NALCN: variants seen among roughly 807,000 people sequenced by gnomAD.
NALCN encodes sodium leak channel NALCN.
A neutral mutation model predicts 225.3 loss-of-function variants in NALCN; 111 were observed. That is an observed-to-expected ratio of 0.49 (90% CI 0.42 to 0.58). The LOEUF (loss-of-function observed/expected upper bound fraction) is 0.58. Ranked by LOEUF, NALCN falls within the 20% of genes least tolerant of loss-of-function variation. The pLI is 0.00. For missense variants in NALCN, 1,378 were observed against 2,202.4 expected (o/e 0.63, Z 7.49); for synonymous variants, 764 against 769.0 (o/e 0.99, Z 0.11).
chr13:101,070,059 G>A (rs1354410883), intron 37 of NALCN, among the ~76,000 whole-genome samples: 1 of 56,518 alleles, frequency 1.8e-5, no homozygotes, highest in Non-Finnish European at 3.5e-5. Context: ...CATGAATCAT[G>A]AATGTTTTTT....
At chr13:101,212,668 G>A (rs2040570015) in intron 13 of NALCN, among the ~76,000 whole-genome samples, 1 of 152,102 alleles carries the variant, frequency 6.6e-6, no homozygotes, top group East Asian at 1.9e-4. Flanking sequence ...GCAGACTGAG[G>A]GAGGGTAAAG....
chr13:101,397,165 G>A (rs1216101441), intron 2 of NALCN, among the ~76,000 whole-genome samples: 1 of 137,566 alleles, frequency 7.3e-6, no homozygotes, highest in Non-Finnish European at 1.6e-5. Context: ...TTATATGTAT[G>A]TATATATTAT....
In NALCN at chr13:101,123,982, T is replaced by G. The variant is rs549041478; in HGVS notation, c.2192+626A>C. 1.6e-4 allele frequency among the ~76,000 whole-genome samples: 25 copies of G among 152,342 alleles called. No homozygotes were observed. The South Asian group carries it at 4.8e-3, about 29-fold the overall frequency. On this transcript the variant is annotated intron_variant, in intron 18 of 43. Coordinates refer to ENST00000251127, the MANE Select transcript of NALCN (RefSeq NM_052867.4). Reference sequence around the variant, plus strand: ...AATCTTGAGTTGTGTCATCTACATATGTCTATGTAATATATGTACCAATAA... The same window carrying G: ...AATCTTGAGTTGTGTCATCTACATAGGTCTATGTAATATATGTACCAATAA...
At position 101,075,856 on chromosome 13, in the gene NALCN, C is replaced by T; in HGVS notation, c.3954+17G>A. 3.1e-6 allele frequency: 5 copies of T among 1,595,288 alleles called. No individual in the cohort carries two copies. The highest frequency in any genetic ancestry group is 4.3e-6 in the Non-Finnish European group (5 of 1,170,978). On this transcript the variant is annotated intron_variant, in intron 35 of 43. Coordinates refer to ENST00000251127, the MANE Select transcript of NALCN (RefSeq NM_052867.4). ...CATATATGACCTTTAAGATAAGATT[C>T]TTAACAATGTACTTACATGTTTTCC...
At chr13:101,147,096 G>A (rs148848081) in intron 15 of NALCN, among the ~76,000 whole-genome samples, 1 of 152,232 alleles carries the variant, frequency 6.6e-6, no homozygotes, top group African/African-American at 2.4e-5. Context: ...AGGGCAAATG[G>A]TATATTAATT....
chr13:101,254,277 G>T (rs2042148702), intron 11 of NALCN, among the ~76,000 whole-genome samples: 1 of 142,872 alleles, frequency 7.0e-6, no homozygotes, highest in South Asian at 2.2e-4. Context: ...GGATGCTAAG[G>T]CAAGAGAACC....
At chr13:101,071,530 A>AT (rs1202991368) in intron 37 of NALCN, among the ~76,000 whole-genome samples, 7 of 152,032 alleles carry the variant, frequency 4.6e-5, no homozygotes, top group Non-Finnish European at 8.8e-5. Flanking sequence ...AGCGTCAAAC[A>AT]TTTTTTTCTA....
At chr13:101,402,781 T>C (rs2047512153) in intron 1 of NALCN, among the ~76,000 whole-genome samples, 1 of 152,184 alleles carries the variant, frequency 6.6e-6, no homozygotes, top group Admixed American at 6.5e-5. Flanking sequence ...TGAATGAAGA[T>C]TCAGCCTGAG....
At chr13:101,172,655 G>A (rs2139921548) in intron 15 of NALCN, among the ~76,000 whole-genome samples, 1 of 152,296 alleles carries the variant, frequency 6.6e-6, no homozygotes, top group South Asian at 2.1e-4. Flanking sequence ...CGCCTCCCGG[G>A]TTTACGCCAT....
At chr13:101,172,092 G>T (rs147507794) in intron 15 of NALCN, among the ~76,000 whole-genome samples, 1 of 152,076 alleles carries the variant, frequency 6.6e-6, no homozygotes, top group Non-Finnish European at 1.5e-5. Flanking sequence ...TCATGAGGAC[G>T]CCTAGAGCTC....
chr13:101,377,651 G>C (rs2046732054), intron 4 of NALCN, among the ~76,000 whole-genome samples: 1 of 152,146 alleles, frequency 6.6e-6, no homozygotes, highest in South Asian at 2.1e-4. Context: ...ACACTATGAT[G>C]AGTTGGCAGA....
chr13:101,103,340 C>T lies in NALCN; in HGVS notation c.2890-1G>A, dbSNP rs1032710807. The T allele has an allele frequency of 1.9e-6, 3 of 1,603,270 alleles. No homozygotes were observed. The highest frequency in any genetic ancestry group is 1.7e-6 in the Non-Finnish European group (2 of 1,176,716). On this transcript the variant is annotated splice_acceptor_variant, in intron 25 of 43. Coordinates refer to ENST00000251127, the MANE Select transcript of NALCN (RefSeq NM_052867.4). LOFTEE classifies it high-confidence loss of function. ...TCCAACAAAGAAATATCAAGCTCAC[C>T]TAAAGGGGAACAAATGATCTCTGGA...
intron 1 of NALCN, 25 bp from the exon 2 acceptor site, chr13:101,399,190 G>T: frequency 6.3e-7 from 1 of 1,588,130 alleles, no homozygotes; most frequent in South Asian, 1.1e-5. Context: ...AGTTGTATTT[G>T]TCATCTAAAC....
chr13:101,345,548 G>A (rs1044676479), intron 6 of NALCN, 128 bp from the exon 7 acceptor site: 37 of 1,113,080 alleles, frequency 3.3e-5, no homozygotes, highest in East Asian at 8.0e-5. Flanking sequence ...GCCTGTAATC[G>A]TTGCACTTTG....
chr13:101,288,428 T>C (rs1484628691), intron 9 of NALCN, among the ~76,000 whole-genome samples: 2 of 152,224 alleles, frequency 1.3e-5, no homozygotes, highest in Non-Finnish European at 2.9e-5. Flanking sequence ...ATCATGTGTC[T>C]TTTCATCCAT....
At chr13:101,380,029 A>T (rs1331807514) in intron 3 of NALCN, among the ~76,000 whole-genome samples, 1 of 152,118 alleles carries the variant, frequency 6.6e-6, no homozygotes, top group Non-Finnish European at 1.5e-5. Context: ...GATCAAATGC[A>T]CCTGATAGAC....
intron 17 of NALCN, among the ~76,000 whole-genome samples, chr13:101,126,267 T>G (rs1421194908): frequency 6.6e-6 from 1 of 152,124 alleles, no homozygotes; most frequent in Admixed American, 6.5e-5. Context: ...TTCCCCCTCA[T>G]GAGGAAAGGT....
intron 36 of NALCN, among the ~76,000 whole-genome samples, chr13:101,073,918 T>C (rs1479095631): frequency 6.6e-6 from 1 of 152,164 alleles, no homozygotes; most frequent in Non-Finnish European, 1.5e-5. Flanking sequence ...AATGACTAAG[T>C]AGGCAGGCTT....
chr13:101,356,122 C>T (rs1362370926), intron 6 of NALCN, among the ~76,000 whole-genome samples: 1 of 151,976 alleles, frequency 6.6e-6, no homozygotes, highest in East Asian at 1.9e-4. Flanking sequence ...ACCCTAACAT[C>T]ACAATGAAAA....
Sources: allele counts gnomAD v4.1 joint callset (sites outside exome capture counted in the v4.1 genomes callset), GRCh38; gene constraint gnomAD v4.1.1; transcripts MANE v1.5; gene names NCBI Gene and HGNC (gene_info 2026-07-23, HGNC 2026-07-21).